Variants in DNAH12 observed in about 807,000 individuals in gnomAD.
DNAH12 encodes the protein dynein axonemal heavy chain 12, also known as axonemal beta dynein heavy chain 12.
A neutral mutation model predicts 371.5 loss-of-function variants in DNAH12; 285 were observed. The ratio of observed to expected loss-of-function variants is 0.77; its 90% CI spans 0.70 to 0.85. The LOEUF (loss-of-function observed/expected upper bound fraction) is 0.85. Among genes scored for constraint, DNAH12 ranks in the 40% least tolerant of loss-of-function variants. The probability of loss-of-function intolerance (pLI) is 0.00; values close to 1 mark genes in which losing one functional copy is unlikely to be tolerated. For synonymous variants in DNAH12, 1,200 were observed against 1,213.0 expected, an observed-to-expected ratio of 0.99 and a Z score of 0.22; for missense variants, 3,611 against 3,689.4, an observed-to-expected ratio of 0.98 and a Z score of 0.55.
chr3:57,440,334 C>T (rs1352129270), intron 29 of DNAH12, among the ~76,000 whole-genome samples: 3 of 152,188 alleles, frequency 2.0e-5, no homozygotes, highest in Admixed American at 1.3e-4. Flanking sequence ...CCATGGAATA[C>T]TATGCAGCCA....
At chr3:57,315,575 T>G (rs2061667678) in intron 65 of DNAH12, among the ~76,000 whole-genome samples, 1 of 152,168 alleles carries the variant, frequency 6.6e-6, no homozygotes, top group South Asian at 2.1e-4. Flanking sequence ...TGATCACATT[T>G]GTTTCTGTCT....
Position 57,413,900 on chromosome 3 carries a change from C to T in DNAH12, c.5866G>A (p.Ala1956Thr), listed in dbSNP as rs1204668421. 1.9e-6 allele frequency: 3 copies of T among 1,549,884 alleles called. No individual in the cohort carries two copies. The highest frequency in any genetic ancestry group is 4.9e-5 in the East Asian group (2 of 40,800). Residue 1956 changes from alanine to threonine, a missense_variant, in exon 39 of 74, where the codon GCT becomes ACT. Ala to Thr is a moderately conservative substitution (Grantham distance 58, BLOSUM62 0). Around this residue, in one of 3 missense-constraint regions of DNAH12, gnomAD observed 2,266 missense variants for 2,236.9 expected, o/e 1.01. Coordinates refer to ENST00000495027, the MANE Select transcript of DNAH12 (RefSeq NM_001366028.2). ...SANQVQNIIM[A>T]RLDKRRKGVF... is the part of the protein sequence containing the mutation. ...CCTTTGCGTCTTTTATCCAATCTAG[C>T]CATGATAATGTTCTAAAATATGAAG...
At chr3:57,547,712 G>T (rs1046765143), upstream of DNAH12, among the ~76,000 whole-genome samples, 1 of 152,076 alleles carries the variant, frequency 6.6e-6, no homozygotes, top group East Asian at 1.9e-4. Context: ...AACTCTGAAA[G>T]AAAATAATAA....
At chr3:57,312,961 TTA>T (rs1356850508) in intron 66 of DNAH12, among the ~76,000 whole-genome samples, 1 of 152,122 alleles carries the variant, frequency 6.6e-6, no homozygotes, top group Non-Finnish European at 1.5e-5. Flanking sequence ...GATTAAATGC[TTA>T]TAGCCTTACA....
chr3:57,485,136 A>G (rs1323691335), intron 12 of DNAH12, among the ~76,000 whole-genome samples: 2 of 152,190 alleles, frequency 1.3e-5, no homozygotes, highest in African/African-American at 2.4e-5. Context: ...TTCCTTAAAG[A>G]ACTAAAAATA....
At chr3:57,516,514 T>C (rs1249977511) in intron 4 of DNAH12, among the ~76,000 whole-genome samples, 1 of 152,182 alleles carries the variant, frequency 6.6e-6, no homozygotes, top group Non-Finnish European at 1.5e-5. Flanking sequence ...TGTCGCCAAT[T>C]ACCCTGCAAA....
At chr3:57,460,717 ATCT>A (rs1370590603) in intron 19 of DNAH12, among the ~76,000 whole-genome samples, 1 of 152,030 alleles carries the variant, frequency 6.6e-6, no homozygotes, top group Non-Finnish European at 1.5e-5. Flanking sequence ...CAATAAATAA[ATCT>A]TCTATTTATG....
intron 35 of DNAH12, 167 bp from the exon 36 acceptor site, chr3:57,421,873 T>G: frequency 1.8e-6 from 1 of 568,146 alleles, no homozygotes; most frequent in East Asian, 2.9e-5. Flanking sequence ...GTCATTTCTC[T>G]GACAATTTTT....
At chr3:57,508,310 T>A in intron 7 of DNAH12, 72 bp downstream of exon 7, 6 of 1,370,284 alleles carry the variant, frequency 4.4e-6, no homozygotes, top group Non-Finnish European at 5.7e-6. Context: ...GATTCCATTT[T>A]AAAAATTATA....
chr3:57,331,694 T>A (rs1390255200), intron 62 of DNAH12, among the ~76,000 whole-genome samples: 1 of 152,144 alleles, frequency 6.6e-6, no homozygotes, highest in African/African-American at 2.4e-5. Flanking sequence ...ACCTTCATAT[T>A]TTTCATGGTG....
intron 25 of DNAH12, among the ~76,000 whole-genome samples, chr3:57,448,946 TGA>T (rs1436100643): frequency 2.2e-5 from 2 of 91,528 alleles, no homozygotes; most frequent in African/African-American, 9.6e-5. Flanking sequence ...TTTACAACCC[TGA>T]GCTAGACATA....
the DNAH12 span, among the ~76,000 whole-genome samples, chr3:57,549,463 G>A: frequency 2.1e-5 from 3 of 142,580 alleles, no homozygotes; most frequent in African/African-American, 7.9e-5. Context: ...GTTGCAGTGA[G>A]CCAAGATCAT....
intron 55 of DNAH12, among the ~76,000 whole-genome samples, chr3:57,374,804 T>G (rs1327983640): frequency 6.6e-6 from 1 of 152,156 alleles, no homozygotes; most frequent in Non-Finnish European, 1.5e-5. Flanking sequence ...AACATATACA[T>G]TATGATTCCT....
intron 4 of DNAH12, among the ~76,000 whole-genome samples, chr3:57,516,508 G>A (rs144125369): frequency 1.3e-3 from 203 of 152,072 alleles, no homozygotes; most frequent in African/African-American, 4.7e-3. Flanking sequence ...AATAAGTGTC[G>A]CCAATTACCC....
chr3:57,508,626 A>G (rs2067867620), intron 6 of DNAH12, 86 bp from the exon 7 acceptor site: 4 of 1,448,962 alleles, frequency 2.8e-6, no homozygotes, highest in Non-Finnish European at 3.7e-6. Flanking sequence ...TGAAATTAGT[A>G]TTGAAGTGAG....
intron 60 of DNAH12, among the ~76,000 whole-genome samples, chr3:57,343,550 T>C (rs1031728251): frequency 1.3e-5 from 2 of 152,248 alleles, no homozygotes; most frequent in Non-Finnish European, 2.9e-5. Context: ...CTGGGTATTG[T>C]CCAAGGTTTC....
In DNAH12 at chr3:57,544,218, C is replaced by T. The variant is rs1266711749; in HGVS notation, c.-55G>A. The T allele has an allele frequency of 6.6e-6, 1 of 152,172 alleles. No individual in the cohort carries two copies. The highest frequency in any genetic ancestry group is 2.4e-5 in the African/African-American group (1 of 41,420). 9.4% of individuals were successfully genotyped at this position (152,172 alleles called of 1,614,324 possible). On this transcript the variant is annotated 5_prime_UTR_variant, in exon 1 of 74. Coordinates refer to ENST00000495027, the MANE Select transcript of DNAH12 (RefSeq NM_001366028.2). ...GTACCTGATTGTTTCTCACTACTTC[C>T]CCGCTGCGCAGACGCCAGAGAGAGA...
At chr3:57,525,923 G>A (rs2153398861) in intron 2 of DNAH12, among the ~76,000 whole-genome samples, 1 of 151,580 alleles carries the variant, frequency 6.6e-6, no homozygotes, top group African/African-American at 2.4e-5. Context: ...TACCAGGCCT[G>A]GCTAATTTTT....
At chr3:57,505,258 A>G (rs1437086162) in intron 8 of DNAH12, among the ~76,000 whole-genome samples, 1 of 86,830 alleles carries the variant, frequency 1.2e-5, no homozygotes, top group Non-Finnish European at 2.2e-5. Flanking sequence ...CCCCCCGCCC[A>G]CTTCTCCCAC....
Sources: allele counts gnomAD v4.1 joint callset (sites outside exome capture counted in the v4.1 genomes callset), GRCh38; gene constraint gnomAD v4.1.1; regional missense constraint gnomAD v4.1.1; transcripts MANE v1.5; gene names NCBI Gene and HGNC (gene_info 2026-07-23, HGNC 2026-07-21).